The following FBXW7 variants were observed in gnomAD, a reference collection of about 807,000 sequenced individuals.
FBXW7 encodes F-box/WD repeat-containing protein 7.
FBXW7 carries 11 observed loss-of-function variants against 86.3 expected under a neutral mutation model. The ratio of observed to expected loss-of-function variants is 0.13; its 90% CI spans 0.08 to 0.21. The LOEUF is 0.21. FBXW7 is among the 10% of genes least tolerant of loss of function. The pLI is 1.00. For missense variants in FBXW7, 488 were observed against 847.4 expected (o/e 0.58, Z 5.27); for synonymous variants, 313 against 297.9 (o/e 1.05, Z -0.52).
intron 6 of FBXW7, among the ~76,000 whole-genome samples, chr4:152,344,059 G>T (rs1454633638): frequency 6.6e-6 from 1 of 152,130 alleles, no homozygotes; most frequent in Non-Finnish European, 1.5e-5. Flanking sequence ...TTATGCAACA[G>T]AAAAGTCATC....
At chr4:152,397,695 C>CAAAAAAAAAAAAAAAAAA (rs397995836) in intron 4 of FBXW7, among the ~76,000 whole-genome samples, 6 of 60,406 alleles carry the variant, frequency 9.9e-5, no homozygotes, top group African/African-American at 3.3e-4. Flanking sequence ...CCTAAGAAGC[C>CAAAAAAAAAAAAAAAAAA]AAAAAAAAAA....
At chr4:152,423,107 T>A (rs1739086565) in intron 2 of FBXW7, among the ~76,000 whole-genome samples, 1 of 152,220 alleles carries the variant, frequency 6.6e-6, no homozygotes, top group African/African-American at 2.4e-5. Flanking sequence ...AATAATGTGT[T>A]ACTTCATTAT....
chr4:152,362,250 A>T (rs997001154), intron 4 of FBXW7, among the ~76,000 whole-genome samples: 6 of 152,240 alleles, frequency 3.9e-5, no homozygotes, highest in Non-Finnish European at 4.4e-5. Flanking sequence ...TTTTAAAGCT[A>T]AATCTTAGAT....
At chr4:152,510,247 T>C (rs1747833140) in intron 2 of FBXW7, among the ~76,000 whole-genome samples, 1 of 152,212 alleles carries the variant, frequency 6.6e-6, no homozygotes, top group Admixed American at 6.5e-5. Flanking sequence ...AACACTAAGT[T>C]ATAAAAAGGA....
At chr4:152,494,139 TACAA>T (rs1379013220) in intron 2 of FBXW7, among the ~76,000 whole-genome samples, 6 of 150,910 alleles carry the variant, frequency 4.0e-5, no homozygotes, top group African/African-American at 1.2e-4. Flanking sequence ...AAGTTAAACA[TACAA>T]AAAAAAGGGA....
chr4:152,419,136 T>C (rs966607030), intron 2 of FBXW7, among the ~76,000 whole-genome samples: 1 of 152,132 alleles, frequency 6.6e-6, no homozygotes, highest in East Asian at 1.9e-4. Context: ...TTAGCAGCTT[T>C]ACTATTCAAC....
chr4:152,506,461 CAGA>C (rs1332461312), intron 2 of FBXW7, among the ~76,000 whole-genome samples: 1 of 152,158 alleles, frequency 6.6e-6, no homozygotes, highest in East Asian at 1.9e-4. Flanking sequence ...ACTGGCAGTG[CAGA>C]AGATTTGTGT....
intron 4 of FBXW7, among the ~76,000 whole-genome samples, chr4:152,398,399 C>A (rs1736617899): frequency 6.6e-6 from 1 of 151,400 alleles, no homozygotes. Context: ...ATGATTTTTA[C>A]AAAAACCTAA....
chr4:152,353,160 G>A (rs1177469961), intron 4 of FBXW7, among the ~76,000 whole-genome samples: 5 of 151,988 alleles, frequency 3.3e-5, no homozygotes, highest in South Asian at 2.1e-4. Flanking sequence ...ATTTTCATAC[G>A]GTCCCCCTGA....
At chr4:152,400,494 A>G (rs1430937488) in intron 4 of FBXW7, among the ~76,000 whole-genome samples, 4 of 150,130 alleles carry the variant, frequency 2.7e-5, no homozygotes, top group Non-Finnish European at 4.4e-5. Flanking sequence ...GGAACGCACC[A>G]CCATGCCTGG....
At chr4:152,369,535 T>A (rs551188263) in intron 4 of FBXW7, among the ~76,000 whole-genome samples, 2 of 152,102 alleles carry the variant, frequency 1.3e-5, no homozygotes, top group South Asian at 4.2e-4. Context: ...AAATATTAAG[T>A]CGGGGGAAAA....
intron 4 of FBXW7, among the ~76,000 whole-genome samples, chr4:152,381,244 C>T (rs566276984): frequency 1.8e-4 from 27 of 152,080 alleles, no homozygotes; most frequent in African/African-American, 6.5e-4. Context: ...AAATATTCTT[C>T]CAGTGTTATG....
chr4:152,438,624 G>A (rs1401872178), intron 2 of FBXW7, among the ~76,000 whole-genome samples: 2 of 152,064 alleles, frequency 1.3e-5, no homozygotes, highest in Non-Finnish European at 2.9e-5. Context: ...GCAGTGAGCC[G>A]AGATTACATC....
intron 4 of FBXW7, among the ~76,000 whole-genome samples, chr4:152,351,538 A>C (rs986611435): frequency 1.3e-5 from 2 of 152,146 alleles, no homozygotes; most frequent in Non-Finnish European, 2.9e-5. Context: ...AGCAAATATA[A>C]ATATAAAAGC....
chr4:152,353,110 A>C, intron 4 of FBXW7: 1 of 589,474 alleles, frequency 1.7e-6, no homozygotes, highest in Non-Finnish European at 2.3e-6. Flanking sequence ...GAACATTTCC[A>C]CAAATAAGTC....
chr4:152,504,867 T>A (rs1348855050), intron 2 of FBXW7, among the ~76,000 whole-genome samples: 1 of 152,168 alleles, frequency 6.6e-6, no homozygotes, highest in African/African-American at 2.4e-5. Flanking sequence ...TCCATCAGGC[T>A]AAATATCTTA....
chr4:152,382,526 G>A, intron 4 of FBXW7: 1 of 1,167,650 alleles, frequency 8.6e-7, no homozygotes, highest in East Asian at 3.7e-5. Context: ...GCTTGGTGAA[G>A]TGCAAACTAT....
At chr4:152,371,965 A>G (rs1220911586) in intron 4 of FBXW7, among the ~76,000 whole-genome samples, 1 of 151,908 alleles carries the variant, frequency 6.6e-6, no homozygotes, top group Non-Finnish European at 1.5e-5. Flanking sequence ...ACACACACAG[A>G]GAGTATGCAT....
chr4:152,442,080 T>C (rs114068972), intron 2 of FBXW7, among the ~76,000 whole-genome samples: 106 of 152,336 alleles, frequency 7.0e-4, no homozygotes, highest in African/African-American at 2.5e-3. Flanking sequence ...ATCTTACTTC[T>C]AGGCACTAAA....
Sources: allele counts gnomAD v4.1 joint callset (sites outside exome capture counted in the v4.1 genomes callset), GRCh38; gene constraint gnomAD v4.1.1; transcripts MANE v1.5; gene names NCBI Gene and HGNC (gene_info 2026-07-23, HGNC 2026-07-21).